Variants in FAM171A1 observed in about 807,000 individuals in gnomAD.
The protein encoded by FAM171A1 is family with sequence similarity 171 member A1.
Under a neutral mutation model 74.9 loss-of-function variants are expected in FAM171A1, and 23 were observed. That is an observed-to-expected ratio of 0.31 (90% CI 0.22 to 0.44). FAM171A1 has a LOEUF of 0.44. FAM171A1 is among the 20% of genes least tolerant of loss of function. The probability of loss-of-function intolerance (pLI) is 1.00; values close to 1 mark genes in which losing one functional copy is unlikely to be tolerated. For missense variants in FAM171A1, 1,162 were observed against 1,159.2 expected (o/e 1.00, Z -0.03); for synonymous variants, 527 against 505.7 (o/e 1.04, Z -0.57).
At chr10:15,281,501 G>C (rs1335961030) in intron 2 of FAM171A1, among the ~76,000 whole-genome samples, 1 of 152,214 alleles carries the variant, frequency 6.6e-6, no homozygotes, top group African/African-American at 2.4e-5. Flanking sequence ...TGGGACCCAG[G>C]TGTCTTCATG....
At position 15,212,666 on chromosome 10, in the gene FAM171A1, G is replaced by A. The variant is rs1014070141; in HGVS notation, c.*249C>T. 1.5e-5 allele frequency: 8 copies of A among 550,820 alleles called. No individual in the cohort carries two copies. Among genetic ancestry groups the A allele is most frequent in the South Asian group, 9.0e-5 (4 of 44,588 alleles). The allele number at this position is 550,820 out of a possible 1,614,324, so 34.1% of individuals were successfully genotyped here. On this transcript the variant is annotated 3_prime_UTR_variant, in exon 8 of 8. Transcript: ENST00000378116. ...CTGGTGGCGGATACGCCGAGTCCTC[G>A]GAAGGACATCTGGACACCACTTTCA...
At chr10:15,216,670 G>C (rs1588492352) in intron 6 of FAM171A1, among the ~76,000 whole-genome samples, 1 of 152,138 alleles carries the variant, frequency 6.6e-6, no homozygotes, top group East Asian at 1.9e-4. Context: ...CTGAGTTCGA[G>C]CAATCCACTG....
chr10:15,224,818 A>C (rs1005250060), intron 5 of FAM171A1, among the ~76,000 whole-genome samples: 2 of 152,188 alleles, frequency 1.3e-5, no homozygotes, highest in African/African-American at 4.8e-5. Context: ...CTTTATCAGC[A>C]GCGTGAAAAC....
intron 5 of FAM171A1, among the ~76,000 whole-genome samples, chr10:15,237,269 C>A (rs1443532780): frequency 6.6e-6 from 1 of 152,026 alleles, no homozygotes; most frequent in African/African-American, 2.4e-5. Context: ...TAAAATGATA[C>A]GTTAAGAGAC....
chr10:15,353,106 T>C (rs1306274633), intron 1 of FAM171A1, among the ~76,000 whole-genome samples: 1 of 152,188 alleles, frequency 6.6e-6, no homozygotes, highest in Non-Finnish European at 1.5e-5. Flanking sequence ...CATTAACTTT[T>C]CTATTCCTTA....
chr10:15,228,273 A>G (rs1479118859), intron 5 of FAM171A1, among the ~76,000 whole-genome samples: 1 of 152,104 alleles, frequency 6.6e-6, no homozygotes, highest in East Asian at 1.9e-4. Context: ...TCACATGTTA[A>G]GAGATTCTTA....
At chr10:15,348,487 G>A (rs1254039953) in intron 1 of FAM171A1, among the ~76,000 whole-genome samples, 3 of 152,220 alleles carry the variant, frequency 2.0e-5, no homozygotes, top group South Asian at 2.1e-4. Context: ...GGGAAAAGGA[G>A]TGGCTTGTTT....
chr10:15,288,765 C>T (rs978885094), intron 1 of FAM171A1, among the ~76,000 whole-genome samples: 22 of 146,342 alleles, frequency 1.5e-4, no homozygotes, highest in Non-Finnish European at 2.2e-4. Context: ...TTTAGTTCTT[C>T]GCTTGGTATG....
Position 15,324,000 on chromosome 10 carries a change from C to T in FAM171A1, c.98-39895G>A, listed in dbSNP as rs143622014. Among the ~76,000 whole-genome samples the T allele has an allele frequency of 1.6e-3, 237 of 152,226 alleles. 1 individual carries two copies. Among genetic ancestry groups the T allele is most frequent in the African/African-American group, 5.4e-3 (225 of 41,536 alleles). On this transcript the variant is annotated intron_variant, in intron 1 of 7. Coordinates refer to ENST00000378116, the MANE Select transcript of FAM171A1 (RefSeq NM_001010924.2). Reference sequence around the variant, plus strand: ...CAAAATGGAGCATCAAAAATGGAAACGATGCTGGTTAGCCCATTTGCCAGC... The same window carrying T: ...CAAAATGGAGCATCAAAAATGGAAATGATGCTGGTTAGCCCATTTGCCAGC...
intron 5 of FAM171A1, among the ~76,000 whole-genome samples, chr10:15,243,866 T>G (rs1834395456): frequency 6.6e-6 from 1 of 152,176 alleles, no homozygotes; most frequent in Non-Finnish European, 1.5e-5. Context: ...TTCTCCTGTC[T>G]CAGCCTCCTG....
intron 3 of FAM171A1, among the ~76,000 whole-genome samples, chr10:15,261,881 G>C (rs1834661958): frequency 6.6e-6 from 1 of 152,146 alleles, no homozygotes; most frequent in Non-Finnish European, 1.5e-5. Flanking sequence ...GCTTTAGGAG[G>C]CTGAGGCAGG....
chr10:15,219,957 AT>A (rs138960730), intron 6 of FAM171A1, among the ~76,000 whole-genome samples: 2 of 152,316 alleles, frequency 1.3e-5, no homozygotes, highest in East Asian at 3.9e-4. Flanking sequence ...ATTGTAACAC[AT>A]TTTTCCACAC....
intron 5 of FAM171A1, among the ~76,000 whole-genome samples, chr10:15,229,162 C>T (rs767216768): frequency 2.0e-5 from 3 of 152,150 alleles, no homozygotes; most frequent in Admixed American, 6.5e-5. Flanking sequence ...CAGCTACATT[C>T]ACACTGTGAG....
intron 1 of FAM171A1, among the ~76,000 whole-genome samples, chr10:15,297,588 G>C (rs1835176310): frequency 6.6e-6 from 1 of 152,142 alleles, no homozygotes; most frequent in Admixed American, 6.5e-5. Flanking sequence ...ATGTTGCCAA[G>C]AATGGTGAAA....
At chr10:15,317,035 TCTC>T (rs749803845) in intron 1 of FAM171A1, among the ~76,000 whole-genome samples, 38 of 143,364 alleles carry the variant, frequency 2.7e-4, no homozygotes, top group Non-Finnish European at 4.8e-4. Flanking sequence ...CCCAGACAGA[TCTC>T]CTCTGGGAGA....
intron 5 of FAM171A1, among the ~76,000 whole-genome samples, chr10:15,223,976 A>G (rs148353853): frequency 6.6e-6 from 1 of 152,330 alleles, no homozygotes; most frequent in Admixed American, 6.5e-5. Flanking sequence ...GTGACCACAT[A>G]TATAGACCCC....
At chr10:15,254,983 A>T in intron 3 of FAM171A1, 104 bp from the exon 4 acceptor site, 1 of 1,029,146 alleles carries the variant, frequency 9.7e-7, no homozygotes, top group Non-Finnish European at 1.4e-6. Context: ...CGCCTCCCCC[A>T]CCCTGCTCCC....
chr10:15,218,575 C>T (rs1044591729), intron 6 of FAM171A1, among the ~76,000 whole-genome samples: 1 of 151,762 alleles, frequency 6.6e-6, no homozygotes, highest in African/African-American at 2.4e-5. Context: ...CATTAAATAC[C>T]ATCAGAGGCT....
At chr10:15,368,777 T>C (rs904855123) in intron 1 of FAM171A1, among the ~76,000 whole-genome samples, 1 of 152,216 alleles carries the variant, frequency 6.6e-6, no homozygotes, top group Non-Finnish European at 1.5e-5. Context: ...AGAGAACACA[T>C]GAATTTTAAA....
Sources: gnomAD v4.1 joint callset for allele counts (sites outside exome capture counted in the v4.1 genomes callset) on GRCh38, gnomAD v4.1.1 for gene constraint, MANE v1.5 for transcripts, NCBI Gene and HGNC (gene_info 2026-07-23, HGNC 2026-07-21) for gene names.